Variants in SLC27A6 observed in about 807,000 individuals in gnomAD.
SLC27A6 encodes solute carrier family 27 member 6.
SLC27A6 carries 74 observed loss-of-function variants against 63.9 expected under a neutral mutation model. The observed-to-expected ratio is 1.16, with a 90% confidence interval of 0.96 to 1.40. SLC27A6 has a LOEUF of 1.40. Among genes scored for constraint, SLC27A6 ranks in the 40% most tolerant of loss-of-function variants. The pLI is 0.00. For synonymous variants in SLC27A6, 287 were observed against 260.8 expected (o/e 1.10, Z -0.97); for missense variants, 794 against 732.9 (o/e 1.08, Z -0.96).
chr5:128,977,616 G>T (rs1750433744), intron 1 of SLC27A6, among the ~76,000 whole-genome samples: 1 of 152,150 alleles, frequency 6.6e-6, no homozygotes. Context: ...TAGTTCCCAT[G>T]CCACCTTGCC....
At position 129,027,173 on chromosome 5, in the gene SLC27A6, T is replaced by A. The variant is rs777408066; in HGVS notation, c.1296T>A (p.Asn432Lys). The A allele has an allele frequency of 6.2e-7, 1 of 1,613,324 alleles. No individual in the cohort carries two copies. Among genetic ancestry groups the A allele is most frequent in the African/African-American group, 1.3e-5 (1 of 74,862 alleles). ...TCATTTCTCGAGTGAATGCAAAAAA[T>A]CCCTTCTTTGGCTATGCTGGGCCTT... ...GLLISRVNAK[N>K]PFFGYAGPYK... is the part of the protein sequence containing the mutation. Residue 432 changes from asparagine (N) to lysine (K), a missense_variant, in exon 7 of 10, where the codon AAT becomes AAA. By Grantham distance (94) the Asn-to-Lys change is moderately conservative. Coordinates refer to ENST00000262462, the MANE Select transcript of SLC27A6 (RefSeq NM_001017372.3).
At chr5:129,017,999 C>T (rs1056594494) in intron 5 of SLC27A6, among the ~76,000 whole-genome samples, 8 of 152,062 alleles carry the variant, frequency 5.3e-5, no homozygotes, top group African/African-American at 9.7e-5. Flanking sequence ...AGTGCAAGAA[C>T]GAAAGTACTT....
chr5:128,987,322 GAAACCAA>G (rs1288021038), intron 2 of SLC27A6, among the ~76,000 whole-genome samples: 2 of 152,226 alleles, frequency 1.3e-5, no homozygotes, highest in East Asian at 3.9e-4. Context: ...CCTGGACAGT[GAAACCAA>G]CTAGTAAATA....
At chr5:128,992,130 G>A (rs7723102) in intron 4 of SLC27A6, among the ~76,000 whole-genome samples, 41 of 137,080 alleles carry the variant, frequency 3.0e-4, no homozygotes, top group African/African-American at 1.2e-3. Flanking sequence ...TACGTGGGGT[G>A]GGGCAACAGA....
Position 128,966,389 on chromosome 5 carries a change from T to G in SLC27A6, c.252T>G (p.Asp84Glu), listed in dbSNP as rs1435175731. Residue 84 changes from aspartate (D) to glutamate (E), a missense_variant, in exon 1 of 10, where the codon GAT (aspartate) becomes GAG (glutamate). Transcript: ENST00000262462. ...IYEGDIYTYQDVDKRSSRVAH... is the reference protein window; with the variant it reads ...IYEGDIYTYQEVDKRSSRVAH... The stretch of plus-strand genomic sequence containing the variant: ...AGGGAGACATCTACACCTATCAGGA[T>G]GTAGACAAAAGGAGCAGCAGAGTGG... 1 of 1,613,102 alleles carries G rather than the reference T, an allele frequency of 6.2e-7. No individual in the cohort carries two copies. The highest frequency in any genetic ancestry group is 1.1e-5 in the South Asian group (1 of 90,896).
intron 4 of SLC27A6, among the ~76,000 whole-genome samples, chr5:129,007,576 A>C (rs1322888515): frequency 6.6e-6 from 1 of 152,088 alleles, no homozygotes; most frequent in East Asian, 1.9e-4. Context: ...AACTTGGTTA[A>C]AAATAAAAAG....
intron 4 of SLC27A6, among the ~76,000 whole-genome samples, chr5:128,995,374 C>T (rs1302289419): frequency 6.6e-6 from 1 of 152,118 alleles, no homozygotes; most frequent in East Asian, 1.9e-4. Flanking sequence ...ATACAGGACA[C>T]ACAGGACAAA....
intron 4 of SLC27A6, among the ~76,000 whole-genome samples, chr5:128,994,654 C>A (rs1218165389): frequency 1.3e-5 from 2 of 152,152 alleles, no homozygotes; most frequent in African/African-American, 4.8e-5. Context: ...TGAAGCCCCA[C>A]AGACAGTTAT....
chr5:128,992,988 A>C (rs2150137920), intron 4 of SLC27A6, among the ~76,000 whole-genome samples: 1 of 152,310 alleles, frequency 6.6e-6, no homozygotes, highest in Non-Finnish European at 1.5e-5. Context: ...TTATTTCTAA[A>C]ATTTACCAAC....
At chr5:128,968,426 G>A (rs1313685268) in intron 1 of SLC27A6, among the ~76,000 whole-genome samples, 2 of 152,070 alleles carry the variant, frequency 1.3e-5, no homozygotes, top group Non-Finnish European at 2.9e-5. Context: ...CGCACCTATT[G>A]TTTCCTGACT....
intron 1 of SLC27A6, among the ~76,000 whole-genome samples, chr5:128,976,292 T>A (rs1181614311): frequency 6.6e-6 from 1 of 152,152 alleles, no homozygotes; most frequent in East Asian, 1.9e-4. Context: ...GTGGATCACC[T>A]GAGGTCAGGA....
chr5:128,996,023 A>T (rs1297251345), intron 4 of SLC27A6, among the ~76,000 whole-genome samples: 1 of 139,812 alleles, frequency 7.2e-6, no homozygotes, highest in Non-Finnish European at 1.5e-5. Context: ...GAGGAATTAA[A>T]ATTAATTTTT....
At chr5:129,008,304 A>G (rs1751613974) in intron 4 of SLC27A6, among the ~76,000 whole-genome samples, 1 of 152,184 alleles carries the variant, frequency 6.6e-6, no homozygotes, top group African/African-American at 2.4e-5. Context: ...AAAAGTCTTG[A>G]TCCTAGTTTA....
At chr5:128,997,958 G>A (rs1361893618) in intron 4 of SLC27A6, among the ~76,000 whole-genome samples, 4 of 152,096 alleles carry the variant, frequency 2.6e-5, no homozygotes, top group East Asian at 3.9e-4. Context: ...CTGTAAACAA[G>A]GAAGCCGAAT....
Position 129,033,094 on chromosome 5 carries a change from A to G in SLC27A6, c.1684-12A>G, listed in dbSNP as rs1389560864. Reference sequence around the variant, plus strand: ...TTAAATGATTCTACTCATCCTGGTAATTGCTTTACAGGAAAAAATGGAAGC... The same window carrying G: ...TTAAATGATTCTACTCATCCTGGTAGTTGCTTTACAGGAAAAAATGGAAGC... On this transcript the variant is annotated splice_polypyrimidine_tract_variant and intron_variant, in intron 9 of 9. Transcript: ENST00000262462. 1.3e-6 allele frequency: 2 copies of G among 1,593,130 alleles called. No individual in the cohort carries two copies. The highest frequency in any genetic ancestry group is 1.7e-6 in the Non-Finnish European group (2 of 1,167,496).
intron 1 of SLC27A6, among the ~76,000 whole-genome samples, chr5:128,968,884 C>T (rs1390221516): frequency 3.3e-5 from 5 of 152,124 alleles, no homozygotes; most frequent in Non-Finnish European, 5.9e-5. Context: ...TTCTATGGTT[C>T]TAATGGTTTT....
At position 129,009,719 on chromosome 5, in the gene SLC27A6, G is replaced by A. The variant is rs1030417120; in HGVS notation, c.970-6166G>A. Among the ~76,000 whole-genome samples the A allele has an allele frequency of 2.8e-4, 43 of 151,746 alleles. 1 individual carries two copies. The highest frequency in any genetic ancestry group is 9.9e-4 in the African/African-American group (41 of 41,328). On this transcript the variant is annotated intron_variant, in intron 4 of 9. Coordinates refer to ENST00000262462, the MANE Select transcript of SLC27A6 (RefSeq NM_001017372.3). Reference sequence around the variant, plus strand: ...TGTGCCTGTGTCACTCTGTTGCCCCGGCTGGAGTGCAGTGGCGCGATCTCG... The same window carrying A: ...TGTGCCTGTGTCACTCTGTTGCCCCAGCTGGAGTGCAGTGGCGCGATCTCG...
intron 3 of SLC27A6, among the ~76,000 whole-genome samples, chr5:128,989,100 A>G (rs1227182920): frequency 1.3e-5 from 2 of 152,192 alleles, no homozygotes; most frequent in Non-Finnish European, 2.9e-5. Flanking sequence ...AGCTGCATAA[A>G]TCTTAAGGCC....
At chr5:128,968,374 AC>A (rs1469166596) in intron 1 of SLC27A6, among the ~76,000 whole-genome samples, 1 of 152,134 alleles carries the variant, frequency 6.6e-6, no homozygotes, top group Non-Finnish European at 1.5e-5. Context: ...TTACACTCCC[AC>A]CAACAGTGTC....
Sources: gnomAD v4.1 joint callset for allele counts (sites outside exome capture counted in the v4.1 genomes callset) on GRCh38, gnomAD v4.1.1 for gene constraint, MANE v1.5 for transcripts, NCBI Gene and HGNC (gene_info 2026-07-23, HGNC 2026-07-21) for gene names.